The following AK4 variants were observed in gnomAD, a reference collection of about 807,000 sequenced individuals.
AK4 encodes adenylate kinase 4, mitochondrial.
AK4 carries 13 observed loss-of-function variants against 24.6 expected under a neutral mutation model. The ratio of observed to expected loss-of-function variants is 0.53; its 90% CI spans 0.34 to 0.84. AK4 has a LOEUF of 0.84. AK4 is among the 40% of genes least tolerant of loss of function. The pLI is 0.01. For missense variants in AK4, 192 were observed against 288.2 expected (o/e 0.67, Z 2.42); for synonymous variants, 88 against 107.0 (o/e 0.82, Z 1.10).
At chr1:65,186,049 T>C (rs550174192) in intron 1 of AK4, among the ~76,000 whole-genome samples, 1 of 152,328 alleles carries the variant, frequency 6.6e-6, no homozygotes, top group South Asian at 2.1e-4. Context: ...GATGATCATA[T>C]TGATTTTTGC....
At chr1:65,148,182 G>T, upstream of AK4, 3 of 904,692 alleles carry the variant, frequency 3.3e-6, no homozygotes, top group African/African-American at 1.7e-5. Context: ...GAGAAGGGCG[G>T]GGAGGTGTAG....
chr1:65,149,182 G>A (rs941488521), intron 1 of AK4: 2 of 152,794 alleles, frequency 1.3e-5, no homozygotes, highest in Admixed American at 6.5e-5. Flanking sequence ...CGAAGCCGCC[G>A]GGCCTGGCCG....
intron 2 of AK4, among the ~76,000 whole-genome samples, chr1:65,198,795 A>G (rs1013416924): frequency 6.6e-6 from 1 of 151,694 alleles, no homozygotes; most frequent in African/African-American, 2.4e-5. Flanking sequence ...TTGAGGAGAC[A>G]GTTGGGTGTG....
intron 1 of AK4, among the ~76,000 whole-genome samples, 181 bp downstream of exon 1, chr1:65,148,733 G>A (rs1010874384): frequency 6.6e-6 from 1 of 151,966 alleles, no homozygotes; most frequent in African/African-American, 2.4e-5. Context: ...CTGGGGAGGA[G>A]GCCGAGGCTC....
intron 2 of AK4, among the ~76,000 whole-genome samples, chr1:65,194,757 C>T (rs1461117962): frequency 6.6e-6 from 1 of 152,196 alleles, no homozygotes; most frequent in South Asian, 2.1e-4. Flanking sequence ...CCACACCATG[C>T]CTGGCCCACT....
chr1:65,161,493 A>G lies in AK4; in HGVS notation c.145+12941A>G, dbSNP rs150391102. ...TGTTCACATGTACCTTTTGCCTGTA[A>G]TGCCTTTCACACTTCTTTAATCTCT... On this transcript the variant is annotated intron_variant, in intron 1 of 4. Coordinates refer to ENST00000327299, the MANE Select transcript of AK4 (RefSeq NM_013410.4). 2.4e-3 allele frequency among the ~76,000 whole-genome samples: 363 copies of G among 152,232 alleles called. 4 individuals are homozygous for G. The highest frequency in any genetic ancestry group is 8.3e-3 in the African/African-American group (346 of 41,534).
intron 3 of AK4, among the ~76,000 whole-genome samples, chr1:65,222,994 GT>G (rs921964425): frequency 2.4e-4 from 35 of 147,488 alleles, no homozygotes; most frequent in Middle Eastern, 3.5e-3. Flanking sequence ...AAATCAAGGT[GT>G]TTTTTTTTTA....
intron 3 of AK4, among the ~76,000 whole-genome samples, chr1:65,223,299 C>T (rs1652351007): frequency 6.6e-6 from 1 of 152,074 alleles, no homozygotes; most frequent in South Asian, 2.1e-4. Flanking sequence ...AGTGATTCTC[C>T]TGCCTCAGAC....
intron 1 of AK4, among the ~76,000 whole-genome samples, chr1:65,150,309 G>A (rs962697478): frequency 2.1e-5 from 3 of 139,864 alleles, no homozygotes; most frequent in Non-Finnish European, 4.7e-5. Context: ...ACTTTCCTGT[G>A]TTCTAAATTT....
At chr1:65,191,404 A>G (rs1651300544) in intron 2 of AK4, among the ~76,000 whole-genome samples, 1 of 152,106 alleles carries the variant, frequency 6.6e-6, no homozygotes, top group South Asian at 2.1e-4. Flanking sequence ...GACACTATAA[A>G]AGAATCATTA....
chr1:65,148,813 G>A (rs1377964716), intron 1 of AK4, among the ~76,000 whole-genome samples: 1 of 152,052 alleles, frequency 6.6e-6, no homozygotes, highest in East Asian at 1.9e-4. Flanking sequence ...AATAGCCCGA[G>A]CCACCCGGCC....
At position 65,148,379 on chromosome 1, in the gene AK4, G is replaced by T. The variant is rs1252422205; in HGVS notation, c.-29G>T. On this transcript the variant is annotated 5_prime_UTR_variant, in exon 1 of 5. Coordinates refer to ENST00000327299, the MANE Select transcript of AK4 (RefSeq NM_013410.4). ...TCCGGGGCCGCGGTCGGGGCTGCGC[G>T]TTTGACCGCCCCCCTCCTCGCGAAG... 5 of 1,522,180 alleles carry T rather than the reference G, an allele frequency of 3.3e-6. No individual in the cohort carries two copies. Among genetic ancestry groups the T allele is most frequent in the African/African-American group, 1.4e-5 (1 of 71,202 alleles). The allele number at this position is 1,522,180 out of a possible 1,614,324, so 94.3% of individuals were successfully genotyped here. A position where few individuals can be genotyped will look rare whatever the true frequency, so the allele number is the denominator to read the frequency against.
chr1:65,154,088 T>C (rs1385905928), intron 1 of AK4, among the ~76,000 whole-genome samples: 1 of 152,192 alleles, frequency 6.6e-6, no homozygotes, highest in Non-Finnish European at 1.5e-5. Context: ...TAAAAGTTGA[T>C]CTTTTGCCTG....
chr1:65,157,172 T>G (rs866689797), intron 1 of AK4, among the ~76,000 whole-genome samples: 2 of 152,320 alleles, frequency 1.3e-5, no homozygotes, highest in Middle Eastern at 3.4e-3. Flanking sequence ...TTAAAGTATT[T>G]GAAGAACATC....
chr1:65,214,237 A>G (rs1254074165), intron 2 of AK4, among the ~76,000 whole-genome samples: 1 of 152,094 alleles, frequency 6.6e-6, no homozygotes, highest in East Asian at 1.9e-4. Context: ...CAGCCTCCTG[A>G]GTAGCTGAGA....
chr1:65,152,348 CTCTCTCTCTCTCTATA>C (rs1353812677), intron 1 of AK4, among the ~76,000 whole-genome samples: 65 of 44,300 alleles, frequency 1.5e-3, no homozygotes, highest in African/African-American at 3.8e-3. Flanking sequence ...CTCTCTCTCT[CTCTCTCTCTCTCTATA>C]TATATATATA....
intron 2 of AK4, among the ~76,000 whole-genome samples, chr1:65,197,298 A>G (rs10789175): frequency 0.4 from 60,881 of 152,034 alleles, 12,793 homozygotes; most frequent in East Asian, 0.66. Context: ...ATTTATCTTT[A>G]TGTACCAAGA....
chr1:65,222,065 G>T (rs146680936), intron 3 of AK4, among the ~76,000 whole-genome samples: 31 of 152,308 alleles, frequency 2.0e-4, no homozygotes, highest in Admixed American at 3.9e-4. Context: ...CCAGCTGGTG[G>T]TGGATGCCCC....
chr1:65,165,529 A>T (rs749820340), intron 1 of AK4, among the ~76,000 whole-genome samples: 3 of 151,620 alleles, frequency 2.0e-5, no homozygotes, highest in Non-Finnish European at 4.4e-5. Context: ...ACTGCGTTCC[A>T]GTCTAGGCAA....
Sources: gnomAD v4.1 joint callset for allele counts (sites outside exome capture counted in the v4.1 genomes callset) on GRCh38, gnomAD v4.1.1 for gene constraint, MANE v1.5 for transcripts, NCBI Gene and HGNC (gene_info 2026-07-23, HGNC 2026-07-21) for gene names.